Variants in PAQR5 observed in about 807,000 individuals in gnomAD.
The protein encoded by PAQR5 is membrane progestin receptor gamma.
PAQR5 carries 20 observed loss-of-function variants against 34.5 expected under a neutral mutation model. That is an observed-to-expected ratio of 0.58 (90% CI 0.41 to 0.84). PAQR5 has a LOEUF of 0.84. Among genes scored for constraint, PAQR5 ranks in the 40% least tolerant of loss-of-function variants. The pLI, the probability that PAQR5 is intolerant of heterozygous loss-of-function variation, is 0.00. For missense variants in PAQR5, 378 were observed against 412.7 expected (o/e 0.92, Z 0.73); for synonymous variants, 131 against 155.6 (o/e 0.84, Z 1.18).
intron 3 of PAQR5, among the ~76,000 whole-genome samples, chr15:69,362,637 A>G (rs1160980501): frequency 6.6e-6 from 1 of 152,200 alleles, no homozygotes; most frequent in East Asian, 1.9e-4. Context: ...GGGAATGACA[A>G]CAGTATCTGC....
intron 1 of PAQR5, among the ~76,000 whole-genome samples, chr15:69,300,086 T>C (rs2053497625): frequency 6.6e-6 from 1 of 152,120 alleles, no homozygotes; most frequent in Non-Finnish European, 1.5e-5. Context: ...AGCTGCATGG[T>C]CGCTTCTGCA....
At chr15:69,325,186 ACCGCGCCTGGC>A (rs2054220949) in intron 1 of PAQR5, among the ~76,000 whole-genome samples, 1 of 152,156 alleles carries the variant, frequency 6.6e-6, no homozygotes, top group Non-Finnish European at 1.5e-5. Context: ...GGCGTGAGCC[ACCGCGCCTGGC>A]CCCAAGCTTC....
intron 3 of PAQR5, 99 bp from the exon 4 acceptor site, chr15:69,379,784 G>A (rs949521469): frequency 1.2e-5 from 17 of 1,443,300 alleles, no homozygotes; most frequent in African/African-American, 2.8e-5. Context: ...GGGGTCAAGC[G>A]TTCCAGGCAC....
At chr15:69,383,578 C>T (rs2055995704) in intron 4 of PAQR5, among the ~76,000 whole-genome samples, 2 of 128,984 alleles carry the variant, frequency 1.6e-5, no homozygotes, top group Admixed American at 1.5e-4. Context: ...TAGTGGGCCT[C>T]TGTGCTCATG....
chr15:69,312,778 G>T (rs1036455405), intron 1 of PAQR5, among the ~76,000 whole-genome samples: 1 of 152,112 alleles, frequency 6.6e-6, no homozygotes, highest in African/African-American at 2.4e-5. Flanking sequence ...TGGTTGGATG[G>T]TGGGTGATGG....
intron 1 of PAQR5, among the ~76,000 whole-genome samples, chr15:69,330,371 C>A (rs2054350950): frequency 6.6e-6 from 1 of 152,202 alleles, no homozygotes; most frequent in Non-Finnish European, 1.5e-5. Context: ...ACAGCTCTTT[C>A]CCAAAGGAGA....
chr15:69,403,541 T>C (rs1361133321), intron 8 of PAQR5, 40 bp from the exon 9 acceptor site: 61 of 1,608,376 alleles, frequency 3.8e-5, no homozygotes, highest in Non-Finnish European at 5.0e-5. Flanking sequence ...ACTCATTCCT[T>C]TTCATTGCTG....
chr15:69,382,059 C>T (rs2055898213), intron 4 of PAQR5, among the ~76,000 whole-genome samples: 3 of 152,162 alleles, frequency 2.0e-5, no homozygotes, highest in Admixed American at 6.5e-5. Flanking sequence ...TAAGAGTCAG[C>T]TGTGGGACTA....
intron 2 of PAQR5, among the ~76,000 whole-genome samples, chr15:69,342,433 A>G (rs779891665): frequency 2.0e-5 from 3 of 151,964 alleles, no homozygotes; most frequent in Admixed American, 2.0e-4. Context: ...TATATTCTGG[A>G]TATTAGTCTC....
chr15:69,377,866 A>G (rs1182818387), intron 3 of PAQR5, among the ~76,000 whole-genome samples: 1 of 152,122 alleles, frequency 6.6e-6, no homozygotes, highest in Non-Finnish European at 1.5e-5. Context: ...AATGGCTCAC[A>G]CCTCTAATCC....
At chr15:69,305,430 G>T (rs1253411906) in intron 1 of PAQR5, among the ~76,000 whole-genome samples, 2 of 152,044 alleles carry the variant, frequency 1.3e-5, no homozygotes, top group African/African-American at 4.8e-5. Context: ...CTTATGGGTG[G>T]AGGGGCCCCT....
chr15:69,359,919 G>A (rs2055188499), intron 2 of PAQR5, 47 bp from the exon 3 acceptor site: 5 of 618,666 alleles, frequency 8.1e-6, no homozygotes, highest in Admixed American at 2.8e-5. Context: ...GACCCAGCTG[G>A]AGTTAGGCTG....
intron 2 of PAQR5, among the ~76,000 whole-genome samples, chr15:69,342,441 CT>C (rs2054667768): frequency 6.6e-6 from 1 of 152,078 alleles, no homozygotes; most frequent in Non-Finnish European, 1.5e-5. Flanking sequence ...GGATATTAGT[CT>C]CTTATAGACA....
At chr15:69,369,220 C>T (rs2055486503) in intron 3 of PAQR5, among the ~76,000 whole-genome samples, 1 of 152,052 alleles carries the variant, frequency 6.6e-6, no homozygotes, top group South Asian at 2.1e-4. Context: ...TTTTCTTTCC[C>T]TATGTGTGCA....
At position 69,338,093 on chromosome 15, in the gene PAQR5, CAAAA is replaced by C. The variant is rs926013757; in HGVS notation, c.-116+596_-116+599del. 3.3e-5 allele frequency among the ~76,000 whole-genome samples: 5 copies of C among 151,932 alleles called. No homozygotes were observed. The South Asian group carries it at 6.2e-4, about 19-fold the overall frequency. On this transcript the variant is annotated intron_variant, in intron 2 of 8. Coordinates refer to ENST00000395407, the MANE Select transcript of PAQR5 (RefSeq NM_017705.4). ...CTCTGTCTCAAAACAAACAAACAAA[CAAAA>C]AAACCAGAAACAACAACAACAACAA...
Position 69,400,098 on chromosome 15 carries a change from G to A in PAQR5, c.734G>A (p.Gly245Glu), listed in dbSNP as rs1252616659. 6.2e-7 allele frequency: 1 copy of A among 1,613,670 alleles called. No individual in the cohort carries two copies. The highest frequency in any genetic ancestry group is 8.5e-7 in the Non-Finnish European group (1 of 1,179,778). ...SAHLPERLAP[G>E]RFDYIGHSHQ... ...CATCTGCCAGAACGCCTAGCCCCTG[G>A]ACGCTTTGACTACATCGGTGAGTGG... The change falls in exon 8 of 9, where the codon GGA (glycine) becomes GAA (glutamate). Residue 245 changes from glycine (G) to glutamate (E), a missense_variant. Physicochemically the swap from Gly to Glu is moderately conservative, Grantham distance 98 (BLOSUM62 -2). Transcript: ENST00000395407.
At chr15:69,356,879 A>G (rs1277314925) in intron 2 of PAQR5, among the ~76,000 whole-genome samples, 1 of 152,122 alleles carries the variant, frequency 6.6e-6, no homozygotes, top group African/African-American at 2.4e-5. Flanking sequence ...TATAGTTTGA[A>G]TATTTGTCCC....
chr15:69,374,952 A>T (rs1402452794), intron 3 of PAQR5, among the ~76,000 whole-genome samples: 1 of 152,056 alleles, frequency 6.6e-6, no homozygotes, highest in Non-Finnish European at 1.5e-5. Context: ...AGGCCCTGGG[A>T]GCTGGTTAGA....
Position 69,346,297 on chromosome 15 carries a change from AT to A in PAQR5, c.-116+8822del, listed in dbSNP as rs34728909. 4.8e-4 allele frequency among the ~76,000 whole-genome samples: 39 copies of A among 81,494 alleles called. No individual in the cohort carries two copies. The East Asian group carries it at 6.5e-3, about 14-fold the overall frequency. 53.5% of individuals were successfully genotyped at this position (81,494 alleles called of 152,430 possible). On this transcript the variant is annotated intron_variant, in intron 2 of 8. Transcript: ENST00000395407. Reference sequence around the variant, plus strand: ...TGTGATTGGCCATGGATATTTTGTAATTTTTTTTTTTTTTTTTTTTTTTTTT... The same window carrying A: ...TGTGATTGGCCATGGATATTTTGTAATTTTTTTTTTTTTTTTTTTTTTTTT...
Sources: gnomAD v4.1 joint callset for allele counts (sites outside exome capture counted in the v4.1 genomes callset) on GRCh38, gnomAD v4.1.1 for gene constraint, MANE v1.5 for transcripts, NCBI Gene and HGNC (gene_info 2026-07-23, HGNC 2026-07-21) for gene names.